DAB1: variants seen among roughly 807,000 people sequenced by gnomAD.
DAB1 encodes the protein DAB adaptor protein 1.
A neutral mutation model predicts 64.6 loss-of-function variants in DAB1; 15 were observed. The observed-to-expected ratio is 0.23, with a 90% CI of 0.16 to 0.36. DAB1 has a LOEUF of 0.36. DAB1 is among the 10% of genes least tolerant of loss of function. DAB1 has a pLI of 1.00. For synonymous variants in DAB1, 235 were observed against 251.9 expected (o/e 0.93, Z 0.64); for missense variants, 596 against 706.7 (o/e 0.84, Z 1.78).
At chr1:57,483,090 G>A (rs549806700) in intron 7 of DAB1, among the ~76,000 whole-genome samples, 8 of 152,228 alleles carry the variant, frequency 5.3e-5, no homozygotes, top group African/African-American at 1.7e-4. Context: ...TAATCTCAAC[G>A]TAAAAATATG....
chr1:57,738,856 T>A (rs1172619905), intron 6 of DAB1, among the ~76,000 whole-genome samples: 2 of 152,218 alleles, frequency 1.3e-5, no homozygotes, highest in East Asian at 3.9e-4. Context: ...AATTGTTCAA[T>A]TAGTTTTACG....
chr1:57,283,879 T>C (rs1672107693), intron 2 of DAB1, among the ~76,000 whole-genome samples: 1 of 152,228 alleles, frequency 6.6e-6, no homozygotes, highest in African/African-American at 2.4e-5. Flanking sequence ...TCTTGAGACC[T>C]CACCTGTGAC....
At chr1:58,308,635 A>G (rs1399991766) in intron 4 of DAB1, among the ~76,000 whole-genome samples, 1 of 152,172 alleles carries the variant, frequency 6.6e-6, no homozygotes, top group Non-Finnish European at 1.5e-5. Context: ...GGATTCTCTC[A>G]TTTAGATAAC....
At chr1:57,718,512 A>G (rs1175189597) in intron 6 of DAB1, among the ~76,000 whole-genome samples, 1 of 152,190 alleles carries the variant, frequency 6.6e-6, no homozygotes, top group Non-Finnish European at 1.5e-5. Context: ...TGACTGAAAA[A>G]AGCAATTCTG....
At chr1:58,465,390 A>G (rs1308846985) in intron 3 of DAB1, among the ~76,000 whole-genome samples, 1 of 152,228 alleles carries the variant, frequency 6.6e-6, no homozygotes, top group African/African-American at 2.4e-5. Context: ...ATGTGGCAGG[A>G]AACAGGACAT....
intron 3 of DAB1, among the ~76,000 whole-genome samples, chr1:58,435,293 C>G (rs574264421): frequency 6.6e-6 from 1 of 152,318 alleles, no homozygotes; most frequent in Non-Finnish European, 1.5e-5. Flanking sequence ...GTCTCTATGA[C>G]TGGCTTATCT....
chr1:58,006,601 G>A lies in DAB1; in HGVS notation n.388-122439C>T, dbSNP rs150217535. 1.3e-3 allele frequency among the ~76,000 whole-genome samples: 204 copies of A among 152,280 alleles called. 2 individuals are homozygous for A. Among genetic ancestry groups the A allele is most frequent in the African/African-American group, 4.6e-3 (193 of 41,560 alleles). On this transcript the variant is annotated intron_variant and non_coding_transcript_variant, in intron 5 of 20. Transcript: ENST00000485760. ...ACTTTTCAATGTTCAATAAATGTTT[G>A]TTGACTGAAAAATATGCTGACTCAG...
At chr1:58,109,900 T>G (rs1651875719) in intron 5 of DAB1, among the ~76,000 whole-genome samples, 1 of 152,060 alleles carries the variant, frequency 6.6e-6, no homozygotes, top group Non-Finnish European at 1.5e-5. Flanking sequence ...GTCTGAAGCC[T>G]TCTCCCTAGT....
intron 1 of DAB1, among the ~76,000 whole-genome samples, chr1:57,418,002 G>C (rs912837593): frequency 6.6e-6 from 1 of 151,996 alleles, no homozygotes; most frequent in African/African-American, 2.4e-5. Flanking sequence ...CCTCCAGAAG[G>C]TTCCACAGCT....
rs76585915 is a variant in DAB1 at position 57,054,401 on chromosome 1, A to G, written c.723+8483T>C. ...CATGTTCAATGGTTAACAGGGTGCA[A>G]AAAGCACTAAATAATGAATGCAGTA... is the stretch of plus-strand genomic sequence containing the variant. On this transcript the variant is annotated intron_variant, in intron 9 of 14. Transcript: ENST00000371236. Among the ~76,000 whole-genome samples, 332 of 152,070 alleles carry G rather than the reference A, an allele frequency of 2.2e-3. 5 individuals are homozygous for G. The East Asian group carries it at 0.056, about 25-fold the overall frequency.
chr1:58,198,836 G>A (rs544246998), intron 4 of DAB1, among the ~76,000 whole-genome samples: 2 of 152,232 alleles, frequency 1.3e-5, no homozygotes, highest in African/African-American at 2.4e-5. Flanking sequence ...ATGGCCATGC[G>A]CAGTGGCTCA....
chr1:58,035,689 G>A (rs1647034294), intron 5 of DAB1, among the ~76,000 whole-genome samples: 1 of 152,236 alleles, frequency 6.6e-6, no homozygotes, highest in Non-Finnish European at 1.5e-5. Flanking sequence ...TGGAGACTAT[G>A]TAGTCTAAGA....
At chr1:57,010,232 G>A (rs148265841) in intron 14 of DAB1, among the ~76,000 whole-genome samples, 3 of 152,132 alleles carry the variant, frequency 2.0e-5, no homozygotes, top group African/African-American at 7.2e-5. Flanking sequence ...AATTATCAGG[G>A]TGGGCAGAAT....
At chr1:57,031,343 A>G (rs900501923) in intron 9 of DAB1, among the ~76,000 whole-genome samples, 9 of 152,204 alleles carry the variant, frequency 5.9e-5, no homozygotes, top group African/African-American at 2.2e-4. Flanking sequence ...TTTTATTTGT[A>G]AGCTAATAAA....
At chr1:57,710,825 A>G (rs965588598) in intron 6 of DAB1, among the ~76,000 whole-genome samples, 19 of 152,286 alleles carry the variant, frequency 1.2e-4, no homozygotes, top group African/African-American at 4.1e-4. Context: ...GTTGTTACTC[A>G]ACTCAATCTC....
chr1:58,517,054 G>A (rs1438103533), intron 2 of DAB1, among the ~76,000 whole-genome samples: 1 of 152,128 alleles, frequency 6.6e-6, no homozygotes. Context: ...AAGGATACAA[G>A]CCACAAATAA....
At chr1:57,426,859 A>AATATATATATATATAT (rs998763894), upstream of DAB1, among the ~76,000 whole-genome samples, 1 of 122,792 alleles carries the variant, frequency 8.1e-6, no homozygotes, top group African/African-American at 3.1e-5. Context: ...TAAATGAGAT[A>AATATATATATATATAT]ATATATATAT....
chr1:57,758,798 C>T (rs1210281322), intron 6 of DAB1, among the ~76,000 whole-genome samples: 1 of 151,982 alleles, frequency 6.6e-6, no homozygotes, highest in Non-Finnish European at 1.5e-5. Flanking sequence ...TGTCTTCTAC[C>T]CAATAAAGAA....
chr1:57,226,672 A>ATATATATATATATAT (rs1553158266), intron 2 of DAB1, among the ~76,000 whole-genome samples: 31 of 135,986 alleles, frequency 2.3e-4, no homozygotes, highest in African/African-American at 8.6e-4. Context: ...TTAAAAAAAA[A>ATATATATATATATAT]ATATATATAT....
Sources: gnomAD v4.1 joint callset for allele counts (sites outside exome capture counted in the v4.1 genomes callset) on GRCh38, gnomAD v4.1.1 for gene constraint, MANE v1.5 for transcripts, NCBI Gene and HGNC (gene_info 2026-07-23, HGNC 2026-07-21) for gene names.